BRINP3: variants seen among roughly 807,000 people sequenced by gnomAD.
BRINP3 encodes BMP/retinoic acid inducible neural specific 3.
Under a neutral mutation model 71.0 loss-of-function variants are expected in BRINP3, and 19 were observed. The observed-to-expected ratio is 0.27, with a 90% CI of 0.19 to 0.39. The LOEUF (loss-of-function observed/expected upper bound fraction) is 0.39. BRINP3 is among the 10% of genes least tolerant of loss of function. BRINP3 has a pLI of 1.00. For synonymous variants in BRINP3, 380 were observed against 337.7 expected (o/e 1.13, Z -1.37); for missense variants, 959 against 940.8 (o/e 1.02, Z -0.25).
chr1:190,153,452 A>G (rs1317444804), intron 7 of BRINP3, among the ~76,000 whole-genome samples: 1 of 152,166 alleles, frequency 6.6e-6, no homozygotes, highest in Non-Finnish European at 1.5e-5. Flanking sequence ...CTCAATAACA[A>G]CATTTAATAC....
chr1:190,270,767 C>A (rs753653105), intron 3 of BRINP3, among the ~76,000 whole-genome samples: 17 of 151,504 alleles, frequency 1.1e-4, no homozygotes, highest in South Asian at 4.2e-4. Flanking sequence ...AAGTTCATAA[C>A]CAATACTATA....
chr1:190,370,903 T>A (rs377682536), intron 2 of BRINP3, among the ~76,000 whole-genome samples: 14 of 152,204 alleles, frequency 9.2e-5, no homozygotes, highest in South Asian at 2.1e-4. Context: ...AATTTTAATT[T>A]AATAATTTTA....
chr1:190,306,339 T>A (rs1373218905), intron 2 of BRINP3, among the ~76,000 whole-genome samples: 1 of 151,636 alleles, frequency 6.6e-6, no homozygotes, highest in Non-Finnish European at 1.5e-5. Context: ...TGAAAAGGAG[T>A]ATCTGAATTT....
intron 6 of BRINP3, among the ~76,000 whole-genome samples, chr1:190,211,607 T>C (rs1655996844): frequency 1.3e-5 from 2 of 152,132 alleles, no homozygotes; most frequent in African/African-American, 2.4e-5. Flanking sequence ...CAAATAAATA[T>C]GTTGTTCTCT....
At position 190,294,047 on chromosome 1, in the gene BRINP3, G is replaced by A. The variant is rs1320637167; in HGVS notation, c.237-12297C>T. On this transcript the variant is annotated intron_variant, in intron 2 of 7. Transcript: ENST00000367462. ...TTCAGTGTTGTTATTGGTAGGTAAG[G>A]ACTTGATACTGCCATTTTGTTACTA... Among the ~76,000 whole-genome samples the A allele has an allele frequency of 2.0e-5, 3 of 151,886 alleles. No homozygotes were observed. In the East Asian group the frequency reaches 5.8e-4, roughly 29 times the overall value.
At chr1:190,105,649 A>G (rs1652086653) in intron 7 of BRINP3, among the ~76,000 whole-genome samples, 1 of 152,104 alleles carries the variant, frequency 6.6e-6, no homozygotes, top group Non-Finnish European at 1.5e-5. Flanking sequence ...CTATTTCTCC[A>G]GAATCACAGC....
chr1:190,436,302 A>C (rs1399462922), intron 2 of BRINP3, among the ~76,000 whole-genome samples: 1 of 151,862 alleles, frequency 6.6e-6, no homozygotes. Context: ...TTCTGTTCTG[A>C]TTTTATGTAG....
intron 2 of BRINP3, among the ~76,000 whole-genome samples, chr1:190,291,906 G>A (rs563406424): frequency 1.3e-5 from 2 of 152,258 alleles, no homozygotes; most frequent in African/African-American, 4.8e-5. Context: ...GACCATTGGT[G>A]AAAGAATGGA....
At chr1:190,429,618 T>C (rs1474054216) in intron 2 of BRINP3, among the ~76,000 whole-genome samples, 1 of 146,634 alleles carries the variant, frequency 6.8e-6, no homozygotes, top group African/African-American at 2.5e-5. Flanking sequence ...TGTGAAGGAG[T>C]CTTGCTCTGT....
rs567279992 is a variant in BRINP3 at position 190,459,435 on chromosome 1, A to T, written c.-50-4495T>A. 1.4e-4 allele frequency among the ~76,000 whole-genome samples: 21 copies of T among 151,986 alleles called. No individual in the cohort carries two copies. The East Asian group carries it at 3.9e-3, about 28-fold the overall frequency. On this transcript the variant is annotated intron_variant, in intron 1 of 7. Coordinates refer to ENST00000367462, the MANE Select transcript of BRINP3 (RefSeq NM_199051.3). The stretch of plus-strand genomic sequence containing the variant: ...ATATTTGAAATTCATAAATATTGAA[A>T]TTTATGAAAGAAATATTTACTATAA...
intron 6 of BRINP3, among the ~76,000 whole-genome samples, chr1:190,196,072 T>G (rs1043682856): frequency 7.2e-5 from 11 of 152,186 alleles, no homozygotes; most frequent in African/African-American, 2.2e-4. Context: ...GTGATTCTCA[T>G]GTAACATTTT....
chr1:190,216,020 A>G (rs1348758606), intron 6 of BRINP3, among the ~76,000 whole-genome samples: 1 of 151,552 alleles, frequency 6.6e-6, no homozygotes, highest in Non-Finnish European at 1.5e-5. Flanking sequence ...ATTTATCCAA[A>G]AAAAAAAACA....
At chr1:190,379,248 A>C (rs1670367624) in intron 2 of BRINP3, among the ~76,000 whole-genome samples, 1 of 152,224 alleles carries the variant, frequency 6.6e-6, no homozygotes, top group African/African-American at 2.4e-5. Context: ...TTTATGAATT[A>C]AATATGTGTT....
At chr1:190,449,611 T>G (rs535300893) in intron 2 of BRINP3, among the ~76,000 whole-genome samples, 3 of 152,146 alleles carry the variant, frequency 2.0e-5, no homozygotes, top group African/African-American at 7.2e-5. Context: ...CTGTATTATT[T>G]TATTTGTTAT....
chr1:190,173,776 T>A (rs1473718488), intron 6 of BRINP3, among the ~76,000 whole-genome samples: 4 of 152,192 alleles, frequency 2.6e-5, no homozygotes, highest in Non-Finnish European at 2.9e-5. Flanking sequence ...AATAACACAT[T>A]TTTATGAATA....
At chr1:190,157,574 C>G (rs1656977886) in intron 7 of BRINP3, among the ~76,000 whole-genome samples, 2 of 152,044 alleles carry the variant, frequency 1.3e-5, no homozygotes, top group African/African-American at 4.8e-5. Context: ...CTTGCACTTT[C>G]TATTTTGGGT....
chr1:190,418,066 AG>A (rs1457421742), intron 2 of BRINP3, among the ~76,000 whole-genome samples: 1 of 152,170 alleles, frequency 6.6e-6, no homozygotes, highest in Non-Finnish European at 1.5e-5. Flanking sequence ...TCTGAGGTTA[AG>A]TATACCTAAT....
chr1:190,453,254 T>C (rs761608701), intron 2 of BRINP3, among the ~76,000 whole-genome samples: 3 of 117,212 alleles, frequency 2.6e-5, no homozygotes, highest in African/African-American at 6.2e-5. Context: ...GGAGGCTCGC[T>C]CTGTCGCCCA....
chr1:190,162,373 C>T (rs773483546), intron 6 of BRINP3, among the ~76,000 whole-genome samples: 4 of 151,676 alleles, frequency 2.6e-5, no homozygotes, highest in Admixed American at 6.6e-5. Context: ...TTTAGCTGAC[C>T]AACAAGGTGA....
Sources: allele counts gnomAD v4.1 joint callset (sites outside exome capture counted in the v4.1 genomes callset), GRCh38; gene constraint gnomAD v4.1.1; transcripts MANE v1.5; gene names NCBI Gene and HGNC (gene_info 2026-07-23, HGNC 2026-07-21).